Variants in DPP6 observed in about 807,000 individuals in gnomAD.
DPP6 encodes the protein dipeptidyl peptidase like 6, also known as A-type potassium channel modulatory protein DPP6.
DPP6 carries 69 observed loss-of-function variants against 122.6 expected under a neutral mutation model. The ratio of observed to expected loss-of-function variants is 0.56; its 90% CI spans 0.46 to 0.69. The LOEUF is 0.69. Ranked by LOEUF, DPP6 falls within the 30% of genes least tolerant of loss-of-function variation. DPP6 has a pLI of 0.00. For synonymous variants in DPP6, 418 were observed against 433.1 expected (o/e 0.97, Z 0.43); for missense variants, 928 against 1,116.9 (o/e 0.83, Z 2.41).
chr7:154,885,245 C>T, intron 21 of DPP6: 1 of 188,764 alleles, frequency 5.3e-6, no homozygotes, highest in Non-Finnish European at 1.1e-5. Context: ...GCCCCTCCCT[C>T]AGAATCATGT....
chr7:154,879,102 G>A (rs1354297110), intron 20 of DPP6, among the ~76,000 whole-genome samples: 8 of 152,134 alleles, frequency 5.3e-5, no homozygotes, highest in Non-Finnish European at 1.5e-5. Context: ...CCGTTGCCAG[G>A]GTCTCTGGGG....
the DPP6 span, among the ~76,000 whole-genome samples, chr7:153,869,332 G>A: frequency 1.6e-4 from 25 of 152,098 alleles, no homozygotes; most frequent in Non-Finnish European, 3.2e-4. Context: ...TAATCTGGGT[G>A]CTCCTGTATT....
intron 1 of DPP6, among the ~76,000 whole-genome samples, chr7:154,137,797 G>A (rs1795651206): frequency 6.6e-6 from 1 of 152,146 alleles, no homozygotes; most frequent in Admixed American, 6.5e-5. Context: ...CCTCTCACAG[G>A]GCACCAAACC....
At chr7:154,246,517 G>C (rs1262817847) in intron 1 of DPP6, among the ~76,000 whole-genome samples, 1 of 152,048 alleles carries the variant, frequency 6.6e-6, no homozygotes, top group East Asian at 1.9e-4. Flanking sequence ...CCAACAAGGT[G>C]GTAGAAATTG....
chr7:154,020,111 AAC>A (rs57752926), intron 1 of DPP6, among the ~76,000 whole-genome samples: 63 of 150,622 alleles, frequency 4.2e-4, no homozygotes, highest in Non-Finnish European at 8.0e-4. Context: ...CACACACACA[AAC>A]ACACACACAC....
At chr7:154,321,238 C>T (rs1807923694) in intron 1 of DPP6, among the ~76,000 whole-genome samples, 1 of 151,290 alleles carries the variant, frequency 6.6e-6, no homozygotes, top group Admixed American at 6.6e-5. Flanking sequence ...GATTGTGCCA[C>T]TGTGCTCTAG....
At chr7:154,328,781 C>T (rs987472918) in intron 1 of DPP6, among the ~76,000 whole-genome samples, 5 of 152,088 alleles carry the variant, frequency 3.3e-5, no homozygotes, top group East Asian at 3.9e-4. Flanking sequence ...TCATTAACCC[C>T]GTTGCCCTGG....
At chr7:154,784,396 C>A (rs1797213474) in intron 10 of DPP6, among the ~76,000 whole-genome samples, 1 of 152,178 alleles carries the variant, frequency 6.6e-6, no homozygotes, top group African/African-American at 2.4e-5. Context: ...CAAGCAAAGC[C>A]CGCAGAGAGC....
chr7:154,208,963 G>A (rs1270325002), intron 1 of DPP6, among the ~76,000 whole-genome samples: 1 of 152,030 alleles, frequency 6.6e-6, no homozygotes, highest in African/African-American at 2.4e-5. Flanking sequence ...ACATGCACAT[G>A]GACACACACA....
At chr7:154,469,996 C>G (rs1460814930) in intron 2 of DPP6, among the ~76,000 whole-genome samples, 4 of 152,208 alleles carry the variant, frequency 2.6e-5, no homozygotes, top group Non-Finnish European at 4.4e-5. Flanking sequence ...GGAAAATGGA[C>G]AGCTTCTTTG....
intron 1 of DPP6, among the ~76,000 whole-genome samples, chr7:153,907,526 G>A (rs1251773622): frequency 3.3e-5 from 5 of 152,204 alleles, no homozygotes; most frequent in Non-Finnish European, 5.9e-5. Flanking sequence ...GCCCAGGTAC[G>A]TTGTGAGACA....
chr7:153,829,748 G>A, the DPP6 span, among the ~76,000 whole-genome samples: 2 of 152,156 alleles, frequency 1.3e-5, no homozygotes, highest in Non-Finnish European at 2.9e-5. Flanking sequence ...ATTTTACCAC[G>A]CCTCAGTCTC....
At chr7:154,508,633 C>A (rs993311403) in intron 3 of DPP6, among the ~76,000 whole-genome samples, 25 of 152,170 alleles carry the variant, frequency 1.6e-4, no homozygotes, top group Non-Finnish European at 2.9e-5. Context: ...AATGTAGAAC[C>A]AGTGCATGTC....
Position 154,241,458 on chromosome 7 carries a change from G to A in DPP6, c.243+188395G>A, listed in dbSNP as rs933591988. ...ACCTGTAGTCCTGGCTATTTGGGAG[G>A]CGGAGGCAGGAGAATCGCTTGAACC... On this transcript the variant is annotated intron_variant, in intron 1 of 25. Transcript: ENST00000377770. The surrounding 1 kb of genome is among the most constrained non-coding windows in gnomAD (Gnocchi z 9.0). Among the ~76,000 whole-genome samples, 1 of 151,972 alleles carries A rather than the reference G, an allele frequency of 6.6e-6. No homozygotes were observed. The highest frequency in any genetic ancestry group is 1.5e-5 in the Non-Finnish European group (1 of 68,002).
At chr7:154,648,964 G>C (rs543524639) in intron 6 of DPP6, among the ~76,000 whole-genome samples, 1 of 151,972 alleles carries the variant, frequency 6.6e-6, no homozygotes, top group East Asian at 1.9e-4. Flanking sequence ...GTTTAGTAAG[G>C]TTTGACAAAT....
At chr7:154,264,945 T>C (rs920528159) in intron 1 of DPP6, among the ~76,000 whole-genome samples, 2 of 152,082 alleles carry the variant, frequency 1.3e-5, no homozygotes, top group African/African-American at 4.8e-5. Flanking sequence ...ATGATGATAG[T>C]GATAATGATG....
intron 16 of DPP6, among the ~76,000 whole-genome samples, chr7:154,812,459 G>A (rs1799127744): frequency 6.6e-6 from 1 of 152,176 alleles, no homozygotes; most frequent in Non-Finnish European, 1.5e-5. Context: ...TCTGGAAGCT[G>A]GAAATCCAAG....
At chr7:154,795,397 T>C (rs530451869) in intron 11 of DPP6, among the ~76,000 whole-genome samples, 1 of 152,308 alleles carries the variant, frequency 6.6e-6, no homozygotes, top group East Asian at 1.9e-4. Context: ...TTTAGCCCCT[T>C]TGAAAGGGTT....
chr7:154,796,857 T>C (rs1563220644), intron 12 of DPP6, among the ~76,000 whole-genome samples: 1 of 152,210 alleles, frequency 6.6e-6, no homozygotes. Context: ...ACAGACGGGC[T>C]GCTCCGAAAT....
Sources: gnomAD v4.1 joint callset for allele counts (sites outside exome capture counted in the v4.1 genomes callset) on GRCh38, gnomAD v4.1.1 for gene constraint, Gnocchi (gnomAD v3.1) non-coding constraint, MANE v1.5 for transcripts, NCBI Gene and HGNC (gene_info 2026-07-23, HGNC 2026-07-21) for gene names.